TBCD: variants seen among roughly 807,000 people sequenced by gnomAD.
TBCD encodes the protein tubulin-specific chaperone D.
TBCD carries 105 observed loss-of-function variants against 169.3 expected under a neutral mutation model. The ratio of observed to expected loss-of-function variants is 0.62; its 90% CI spans 0.53 to 0.73. TBCD has a LOEUF of 0.73. Ranked by LOEUF, TBCD falls within the 30% of genes least tolerant of loss-of-function variation. The pLI, the probability that TBCD is intolerant of heterozygous loss-of-function variation, is 0.00. For synonymous variants in TBCD, 700 were observed against 643.9 expected, an observed-to-expected ratio of 1.09 and a Z score of -1.32; for missense variants, 1,444 against 1,600.1, an observed-to-expected ratio of 0.90 and a Z score of 1.66.
Position 82,797,782 on chromosome 17 carries a change from G to C in TBCD, c.797G>C (p.Arg266Pro). Reference protein sequence around the residue: ...ALAQIFKHGKREDCLPYAATV... With the variant: ...ALAQIFKHGKPEDCLPYAATV... Reference sequence around the variant, plus strand: ...GCACAAATATTTAAACATGGAAAACGTGAAGACTGTTTGCCCTATGGTAAG... The same window carrying C: ...GCACAAATATTTAAACATGGAAAACCTGAAGACTGTTTGCCCTATGGTAAG... The change falls in exon 8 of 39, where the codon CGT becomes CCT. Residue 266 changes from arginine (R) to proline (P), a missense_variant. Arg to Pro is a moderately radical substitution (Grantham distance 103). Transcript: ENST00000355528. 3.8e-6 allele frequency: 6 copies of C among 1,564,584 alleles called. No individual in the cohort carries two copies. The highest frequency in any genetic ancestry group is 4.3e-6 in the Non-Finnish European group (5 of 1,160,596).
chr17:82,870,945 A>G (rs991379491), intron 14 of TBCD, among the ~76,000 whole-genome samples: 1 of 152,262 alleles, frequency 6.6e-6, no homozygotes, highest in African/African-American at 2.4e-5. Flanking sequence ...GAGAATGTTC[A>G]GTAGCAATAG....
At chr17:82,830,565 C>A (rs2053402950) in intron 13 of TBCD, 5 of 1,614,070 alleles carry the variant, frequency 3.1e-6, no homozygotes, top group Non-Finnish European at 4.2e-6. Context: ...TCCCAGTCTT[C>A]TGTGGAACAG....
intron 13 of TBCD, among the ~76,000 whole-genome samples, chr17:82,836,651 G>A (rs568093315): frequency 6.7e-6 from 1 of 149,018 alleles, no homozygotes; most frequent in East Asian, 2.0e-4. Flanking sequence ...TTCAGTTTTC[G>A]AAGCAGCATT....
Position 82,900,799 on chromosome 17 carries a change from A to T in TBCD, c.1730+68A>T, listed in dbSNP as rs997641411. 104 of 1,180,208 alleles carry T rather than the reference A, an allele frequency of 8.8e-5. 1 individual carries two copies. The highest frequency in any genetic ancestry group is 1.2e-4 in the Non-Finnish European group (97 of 788,178). The allele number at this position is 1,180,208 out of a possible 1,614,324, so 73.1% of individuals were successfully genotyped here. A position where few individuals can be genotyped will look rare whatever the true frequency, so the allele number is the denominator to read the frequency against. On this transcript the variant is annotated intron_variant, in intron 18 of 38. Transcript: ENST00000355528. The stretch of plus-strand genomic sequence containing the variant: ...CCAAAGGAGAGATTCAGTTGAGCTT[A>T]TAAGCCTTGAGTGTATTTTCTCACT...
chr17:82,772,270 T>C (rs1168838508), intron 5 of TBCD, among the ~76,000 whole-genome samples, 182 bp from the exon 6 acceptor site: 3 of 152,222 alleles, frequency 2.0e-5, no homozygotes, highest in Admixed American at 6.5e-5. Flanking sequence ...TTGGCAGCTG[T>C]AGCCCTTGGC....
chr17:82,787,573 G>A (rs1274141811), intron 7 of TBCD, among the ~76,000 whole-genome samples: 2 of 152,252 alleles, frequency 1.3e-5, no homozygotes, highest in African/African-American at 4.8e-5. Context: ...GCTTGGCAGA[G>A]CTGCAGGCAG....
chr17:82,814,725 T>C (rs2051725326), intron 12 of TBCD, 115 bp from the exon 13 acceptor site: 1 of 981,806 alleles, frequency 1.0e-6, no homozygotes, highest in Admixed American at 2.3e-5. Context: ...GAGCCTTACG[T>C]GAGCCTTACA....
In TBCD at chr17:82,791,799, A is replaced by G. The variant is rs74000098; in HGVS notation, c.772-5958A>G. ...AGTCCTGAGAACTGCGTCGTTGGGC[A>G]GTGTCGTCGTGTGAACACCGTAGCG... is the stretch of plus-strand genomic sequence containing the variant. On this transcript the variant is annotated intron_variant, in intron 7 of 38. Coordinates refer to ENST00000355528, the MANE Select transcript of TBCD (RefSeq NM_005993.5). Among the ~76,000 whole-genome samples the G allele has an allele frequency of 9.5e-3, 1,449 of 152,242 alleles. 19 individuals carry two copies. Among genetic ancestry groups the G allele is most frequent in the African/African-American group, 0.032 (1,340 of 41,540 alleles).
intron 14 of TBCD, among the ~76,000 whole-genome samples, chr17:82,872,881 C>G (rs2057688137): frequency 7.1e-6 from 1 of 141,370 alleles, no homozygotes; most frequent in Non-Finnish European, 1.5e-5. Flanking sequence ...AGGCCCATCA[C>G]CTGGTGGCCG....
chr17:82,838,948 G>T (rs933591552), intron 13 of TBCD: 1 of 985,266 alleles, frequency 1.0e-6, no homozygotes, highest in Admixed American at 6.2e-5. Context: ...AGATGTGGAC[G>T]GACTGTGCTT....
chr17:82,942,427 G>C, intron 38 of TBCD, 22 bp from the exon 39 acceptor site: 1 of 1,613,964 alleles, frequency 6.2e-7, no homozygotes, highest in African/African-American at 1.3e-5. Context: ...ACCAGCCTGA[G>C]CTTGTCTTGT....
chr17:82,795,304 G>T (rs1207653160), intron 7 of TBCD, among the ~76,000 whole-genome samples: 1 of 152,150 alleles, frequency 6.6e-6, no homozygotes, highest in Non-Finnish European at 1.5e-5. Context: ...ATGTTAGCCC[G>T]TTGCTGAGAG....
chr17:82,753,362 A>G (rs188064059), intron 1 of TBCD, among the ~76,000 whole-genome samples: 1 of 150,912 alleles, frequency 6.6e-6, no homozygotes, highest in African/African-American at 2.4e-5. Flanking sequence ...CTCGTGCAGA[A>G]CTGTTCTGAG....
intron 13 of TBCD, among the ~76,000 whole-genome samples, chr17:82,854,527 A>G (rs559979143): frequency 2.6e-4 from 39 of 152,350 alleles, no homozygotes; most frequent in African/African-American, 9.1e-4. Flanking sequence ...AAAACATCAG[A>G]AAGGCCTGCA....
chr17:82,849,218 C>A (rs1301958379), intron 13 of TBCD, among the ~76,000 whole-genome samples: 1 of 138,648 alleles, frequency 7.2e-6, no homozygotes, highest in Non-Finnish European at 1.5e-5. Flanking sequence ...CTGCCTGCTG[C>A]GTCTTCTCCA....
chr17:82,899,293 G>C (rs920791342), intron 17 of TBCD, among the ~76,000 whole-genome samples: 1 of 148,670 alleles, frequency 6.7e-6, no homozygotes, highest in African/African-American at 2.5e-5. Flanking sequence ...TCCTCAGTGC[G>C]TGTGTCCTCC....
rs750061418 is a variant in TBCD at position 82,929,499 on chromosome 17, C to T, written c.2990C>T (p.Thr997Met). 6.2e-6 allele frequency: 10 copies of T among 1,605,246 alleles called. No homozygotes were observed. Among genetic ancestry groups the T allele is most frequent in the Admixed American group, 5.0e-5 (3 of 60,006 alleles). Reference protein sequence around the residue: ...VVSLGGLTESTIRHSTQSLFE... With the variant: ...VVSLGGLTESMIRHSTQSLFE... ...TCCCTGGGCGGCTTGACGGAGTCGACGGTGAGGAGGCGTCGGGCTGGCTGG... is the reference window on the plus strand; with the variant it reads ...TCCCTGGGCGGCTTGACGGAGTCGATGGTGAGGAGGCGTCGGGCTGGCTGG... Residue 997 changes from threonine (T) to methionine (M), a missense_variant and splice_region_variant, in exon 32 of 39, where the codon ACG (threonine) becomes ATG (methionine). Coordinates refer to ENST00000355528, the MANE Select transcript of TBCD (RefSeq NM_005993.5).
At chr17:82,842,024 G>C (rs997442930) in intron 13 of TBCD, among the ~76,000 whole-genome samples, 19 of 152,244 alleles carry the variant, frequency 1.2e-4, no homozygotes, top group African/African-American at 4.6e-4. Context: ...AGATTGTCAG[G>C]GTGTCCCTTC....
chr17:82,823,479 G>GT (rs1422558374), intron 13 of TBCD, among the ~76,000 whole-genome samples: 2 of 152,084 alleles, frequency 1.3e-5, no homozygotes, highest in African/African-American at 2.4e-5. Context: ...TGTTAATGGT[G>GT]TTTTTTTCCT....
Sources: gnomAD v4.1 joint callset for allele counts (sites outside exome capture counted in the v4.1 genomes callset) on GRCh38, gnomAD v4.1.1 for gene constraint, MANE v1.5 for transcripts, NCBI Gene and HGNC (gene_info 2026-07-23, HGNC 2026-07-21) for gene names.